ZNF385D: variants seen among roughly 807,000 people sequenced by gnomAD.
The protein encoded by ZNF385D is zinc finger protein 385D.
Under a neutral mutation model 35.8 loss-of-function variants are expected in ZNF385D, and 15 were observed. The observed-to-expected ratio is 0.42, with a 90% CI of 0.28 to 0.64. ZNF385D has a LOEUF of 0.64. Ranked by LOEUF, ZNF385D falls within the 30% of genes least tolerant of loss-of-function variation. ZNF385D has a pLI of 0.23. For synonymous variants in ZNF385D, 212 were observed against 186.8 expected (o/e 1.13, Z -1.10); for missense variants, 474 against 494.6 (o/e 0.96, Z 0.39).
intron 2 of ZNF385D, among the ~76,000 whole-genome samples, chr3:21,622,601 C>T (rs1380643970): frequency 6.6e-6 from 1 of 152,046 alleles, no homozygotes; most frequent in Non-Finnish European, 1.5e-5. Context: ...AAAGGCTTCA[C>T]GTAATATTAC....
At chr3:21,724,917 G>A (rs921971608) in intron 1 of ZNF385D, among the ~76,000 whole-genome samples, 17 of 152,166 alleles carry the variant, frequency 1.1e-4, no homozygotes, top group Admixed American at 5.2e-4. Context: ...TTCTAAAATT[G>A]ACCACATAAT....
intron 2 of ZNF385D, among the ~76,000 whole-genome samples, chr3:21,645,933 A>G (rs952225201): frequency 1.3e-5 from 2 of 152,190 alleles, no homozygotes; most frequent in African/African-American, 2.4e-5. Context: ...AAAATTCAAT[A>G]TAGATGAGTT....
intron 1 of ZNF385D, among the ~76,000 whole-genome samples, chr3:21,712,080 T>C (rs2068130668): frequency 7.2e-6 from 1 of 138,774 alleles, no homozygotes; most frequent in African/African-American, 2.8e-5. Context: ...CCTCTTCTGC[T>C]ACCAGCTACC....
At chr3:22,026,774 C>T (rs190036322) in intron 3 of ZNF385D, among the ~76,000 whole-genome samples, 2 of 152,096 alleles carry the variant, frequency 1.3e-5, no homozygotes, top group African/African-American at 2.4e-5. Context: ...ATATTGCATC[C>T]CTGGAGGGAT....
chr3:22,189,791 A>T (rs952177999), intron 2 of ZNF385D, among the ~76,000 whole-genome samples: 7 of 152,172 alleles, frequency 4.6e-5, no homozygotes, highest in South Asian at 2.1e-4. Context: ...GCATACCTCA[A>T]AACAGCCATT....
At chr3:21,642,466 C>G (rs1295736647) in intron 2 of ZNF385D, among the ~76,000 whole-genome samples, 1 of 151,998 alleles carries the variant, frequency 6.6e-6, no homozygotes, top group African/African-American at 2.4e-5. Flanking sequence ...CCTCAGCTCT[C>G]CTTTTAGGCA....
intron 3 of ZNF385D, among the ~76,000 whole-genome samples, chr3:21,762,479 G>C (rs184440127): frequency 6.6e-6 from 1 of 152,136 alleles, no homozygotes; most frequent in Non-Finnish European, 1.5e-5. Flanking sequence ...CTCATCATTA[G>C]TGACTACTTT....
intron 3 of ZNF385D, among the ~76,000 whole-genome samples, chr3:21,529,421 T>G (rs1295769711): frequency 2.0e-5 from 3 of 152,172 alleles, no homozygotes; most frequent in Non-Finnish European, 4.4e-5. Flanking sequence ...CAGGAACCCT[T>G]CAAGTGTACA....
intron 1 of ZNF385D, among the ~76,000 whole-genome samples, chr3:21,673,736 G>T (rs888736053): frequency 3.3e-5 from 5 of 152,112 alleles, no homozygotes; most frequent in African/African-American, 1.2e-4. Flanking sequence ...GTGTGCTTTA[G>T]ATAAAAATAA....
chr3:22,041,019 A>G (rs761363635), intron 3 of ZNF385D, among the ~76,000 whole-genome samples: 2 of 152,118 alleles, frequency 1.3e-5, no homozygotes, highest in Non-Finnish European at 2.9e-5. Flanking sequence ...GGCTCAAGTA[A>G]CTATATAACC....
chr3:21,808,367 G>A (rs192982877), intron 3 of ZNF385D, among the ~76,000 whole-genome samples: 1 of 152,240 alleles, frequency 6.6e-6, no homozygotes, highest in Non-Finnish European at 1.5e-5. Flanking sequence ...GAAAACACTA[G>A]AAGCTATGAC....
intron 2 of ZNF385D, among the ~76,000 whole-genome samples, chr3:21,655,931 A>C (rs960149478): frequency 6.6e-6 from 1 of 152,020 alleles, no homozygotes; most frequent in African/African-American, 2.4e-5. Flanking sequence ...GGGTATAAAA[A>C]TGTTTTCCCT....
intron 2 of ZNF385D, among the ~76,000 whole-genome samples, chr3:22,280,465 C>T (rs984841815): frequency 6.6e-6 from 1 of 151,750 alleles, no homozygotes; most frequent in Non-Finnish European, 1.5e-5. Context: ...AGAAGAGGAT[C>T]CAGTTTCATT....
At chr3:22,112,091 G>A (rs1377451610) in intron 3 of ZNF385D, among the ~76,000 whole-genome samples, 1 of 152,166 alleles carries the variant, frequency 6.6e-6, no homozygotes, top group African/African-American at 2.4e-5. Context: ...GAGCAGTCAA[G>A]CTGCTGCAGC....
At chr3:22,204,364 T>C (rs910753156) in intron 2 of ZNF385D, among the ~76,000 whole-genome samples, 3 of 151,984 alleles carry the variant, frequency 2.0e-5, no homozygotes, top group Non-Finnish European at 2.9e-5. Flanking sequence ...TTCCTCTGAA[T>C]ACCTGGAAAA....
intron 3 of ZNF385D, among the ~76,000 whole-genome samples, chr3:21,949,055 C>G (rs887902008): frequency 6.6e-6 from 1 of 152,088 alleles, no homozygotes; most frequent in Admixed American, 6.6e-5. Context: ...TGCTCTTTAA[C>G]TTACATGTAT....
At chr3:21,774,655 T>C (rs1021118955) in intron 3 of ZNF385D, among the ~76,000 whole-genome samples, 1 of 151,688 alleles carries the variant, frequency 6.6e-6, no homozygotes, top group Non-Finnish European at 1.5e-5. Context: ...TAGAGACATA[T>C]TTAAGAGATT....
At chr3:21,991,930 T>G (rs1695175697) in intron 3 of ZNF385D, among the ~76,000 whole-genome samples, 1 of 152,190 alleles carries the variant, frequency 6.6e-6, no homozygotes, top group Non-Finnish European at 1.5e-5. Flanking sequence ...TTTGATGAAT[T>G]ATGCACTCCA....
At chr3:21,717,649 G>A (rs1314800121) in intron 1 of ZNF385D, among the ~76,000 whole-genome samples, 1 of 152,050 alleles carries the variant, frequency 6.6e-6, no homozygotes, top group Admixed American at 6.6e-5. Flanking sequence ...ATTGAATCAG[G>A]GGGGCGGTTT....
Sources: allele counts gnomAD v4.1 joint callset (sites outside exome capture counted in the v4.1 genomes callset), GRCh38; gene constraint gnomAD v4.1.1; transcripts MANE v1.5; gene names NCBI Gene and HGNC (gene_info 2026-07-23, HGNC 2026-07-21).